Variants in PIK3AP1 observed in about 807,000 individuals in gnomAD.
The protein encoded by PIK3AP1 is phosphoinositide 3-kinase adapter protein 1.
PIK3AP1 carries 21 observed loss-of-function variants against 88.1 expected under a neutral mutation model. The ratio of observed to expected loss-of-function variants is 0.24; its 90% CI spans 0.17 to 0.34. PIK3AP1 has a LOEUF of 0.34. Ranked by LOEUF, PIK3AP1 falls within the 10% of genes least tolerant of loss-of-function variation. PIK3AP1 has a pLI of 1.00. For synonymous variants in PIK3AP1, 398 were observed against 400.0 expected (o/e 1.00, Z 0.06); for missense variants, 828 against 1,035.7 (o/e 0.80, Z 2.75).
At chr10:96,643,997 G>A (rs920198070) in intron 8 of PIK3AP1, among the ~76,000 whole-genome samples, 5 of 152,242 alleles carry the variant, frequency 3.3e-5, no homozygotes, top group African/African-American at 1.2e-4. Context: ...GGTAGCGAAT[G>A]ATGGTAACAC....
At chr10:96,642,407 T>C (rs190334327) in intron 8 of PIK3AP1, among the ~76,000 whole-genome samples, 9 of 97,412 alleles carry the variant, frequency 9.2e-5, no homozygotes, top group African/African-American at 2.9e-4. Flanking sequence ...GCCTGAGCAA[T>C]AGAGCCAGAT....
At chr10:96,645,217 G>A (rs975695096) in intron 8 of PIK3AP1, among the ~76,000 whole-genome samples, 1 of 152,164 alleles carries the variant, frequency 6.6e-6, no homozygotes, top group Non-Finnish European at 1.5e-5. Context: ...CTCAGATCAC[G>A]AGGCAATGAG....
At chr10:96,685,970 G>A (rs186209056) in intron 2 of PIK3AP1, among the ~76,000 whole-genome samples, 3 of 152,228 alleles carry the variant, frequency 2.0e-5, no homozygotes, top group East Asian at 1.9e-4. Flanking sequence ...CCTCTGCCAC[G>A]TCCCATATAG....
intron 2 of PIK3AP1, among the ~76,000 whole-genome samples, chr10:96,695,224 AG>A (rs1844204847): frequency 2.0e-5 from 3 of 152,212 alleles, no homozygotes; most frequent in Non-Finnish European, 2.9e-5. Flanking sequence ...ACAAGTTAAC[AG>A]GTTGGTTCTG....
intron 8 of PIK3AP1, among the ~76,000 whole-genome samples, chr10:96,628,889 C>CATATACATATAT (rs1554955371): frequency 0.02 from 1,193 of 60,684 alleles, 136 homozygotes; most frequent in Middle Eastern, 0.037. Context: ...TATATATATA[C>CATATACATATAT]ATATATATAT....
intron 2 of PIK3AP1, among the ~76,000 whole-genome samples, chr10:96,658,083 A>G (rs1843639890): frequency 6.8e-6 from 1 of 147,040 alleles, no homozygotes; most frequent in African/African-American, 2.5e-5. Flanking sequence ...AAAAAAAAAT[A>G]GAATGGTTGA....
At chr10:96,606,933 T>TA (rs1337367824) in intron 14 of PIK3AP1, among the ~76,000 whole-genome samples, 1 of 152,204 alleles carries the variant, frequency 6.6e-6, no homozygotes, top group Non-Finnish European at 1.5e-5. Context: ...GCGTCTGTTT[T>TA]AAAAAAGAAA....
At chr10:96,656,774 T>A (rs1178769543) in intron 3 of PIK3AP1, 24 bp downstream of exon 3, 55 of 1,611,570 alleles carry the variant, frequency 3.4e-5, no homozygotes, top group Non-Finnish European at 4.3e-5. Context: ...GACATCCAGC[T>A]ACCAGGCCCC....
At chr10:96,705,165 C>A (rs917249763) in intron 2 of PIK3AP1, among the ~76,000 whole-genome samples, 5 of 152,120 alleles carry the variant, frequency 3.3e-5, no homozygotes, top group Non-Finnish European at 7.4e-5. Context: ...CTATTTACTG[C>A]TGGGGTCTGA....
chr10:96,645,591 G>A lies in PIK3AP1; in HGVS notation c.1257C>T (p.Tyr419=), dbSNP rs776232557. Residue 419 remains tyrosine (Y), a synonymous_variant, in exon 8 of 17, where the codon TAC becomes TAT. Coordinates refer to ENST00000339364, the MANE Select transcript of PIK3AP1 (RefSeq NM_152309.3). ...CTGTGGAAAGGTGGGCCATGGACTCGTACACAGCATCAGCCTCCTCCCCGT... is the reference window on the plus strand; with the variant it reads ...CTGTGGAAAGGTGGGCCATGGACTCATACACAGCATCAGCCTCCTCCCCGT... ...LMHGEEADAV[Y]ESMAHLSTDL... is the part of the protein sequence containing the mutation. 30 of 1,613,548 alleles carry A rather than the reference G, an allele frequency of 1.9e-5. No individual in the cohort carries two copies. Among genetic ancestry groups the A allele is most frequent in the East Asian group, 2.2e-5 (1 of 44,810 alleles).
At chr10:96,617,610 G>C (rs1239225865) in intron 12 of PIK3AP1, among the ~76,000 whole-genome samples, 1 of 152,232 alleles carries the variant, frequency 6.6e-6, no homozygotes, top group Non-Finnish European at 1.5e-5. Context: ...GAGTATGCCA[G>C]ATGCAGGCAA....
At chr10:96,676,308 C>CT (rs147680543) in intron 2 of PIK3AP1, among the ~76,000 whole-genome samples, 9,802 of 126,604 alleles carry the variant, frequency 0.077, 872 homozygotes, top group African/African-American at 0.22. Flanking sequence ...TGTGACCTTG[C>CT]TTTTTTTTTT....
chr10:96,714,174 C>CA (rs879458977), intron 1 of PIK3AP1, among the ~76,000 whole-genome samples: 74 of 132,274 alleles, frequency 5.6e-4, no homozygotes, highest in South Asian at 2.2e-3. Context: ...AACTCCGTCT[C>CA]AAAAAAAAAA....
chr10:96,654,264 G>A (rs940984310), intron 3 of PIK3AP1, among the ~76,000 whole-genome samples: 3 of 152,182 alleles, frequency 2.0e-5, no homozygotes, highest in African/African-American at 7.2e-5. Flanking sequence ...GGTTACGTGG[G>A]GGGAATGAGC....
intron 2 of PIK3AP1, among the ~76,000 whole-genome samples, chr10:96,679,010 G>A (rs1208588005): frequency 6.6e-6 from 1 of 152,214 alleles, no homozygotes; most frequent in East Asian, 1.9e-4. Flanking sequence ...TTATCACACT[G>A]AGGATGATGC....
At chr10:96,626,205 A>C (rs968905400) in intron 10 of PIK3AP1, among the ~76,000 whole-genome samples, 7 of 152,246 alleles carry the variant, frequency 4.6e-5, no homozygotes, top group African/African-American at 1.7e-4. Flanking sequence ...ACAGCCTAGC[A>C]TAATGGCTAA....
At chr10:96,675,814 A>G (rs1843910597) in intron 2 of PIK3AP1, among the ~76,000 whole-genome samples, 1 of 152,212 alleles carries the variant, frequency 6.6e-6, no homozygotes, top group African/African-American at 2.4e-5. Context: ...ATTAATAACA[A>G]TAATAATAAT....
rs1363813166 is a variant in PIK3AP1, at chr10:96,626,787, G to A, written c.1590C>T (p.Pro530=). 1 of 1,614,222 alleles carries A rather than the reference G, an allele frequency of 6.2e-7. No homozygotes were observed. ...EAFSVDLASR[P]PVPVPRPETT... ...TCTCTGGTCTGGGCACTGGGACAGGGGGCCTGCTGGCCAGGTCCACAGAAA... is the reference window on the plus strand; with the variant it reads ...TCTCTGGTCTGGGCACTGGGACAGGAGGCCTGCTGGCCAGGTCCACAGAAA... Residue 530 remains proline, a synonymous_variant, in exon 10 of 17, where the codon CCC becomes CCT. Transcript: ENST00000339364.
chr10:96,602,215 C>T, intron 16 of PIK3AP1, 65 bp downstream of exon 16: 2 of 1,324,270 alleles, frequency 1.5e-6, no homozygotes, highest in Non-Finnish European at 1.1e-6. Context: ...TTAGGTGTTT[C>T]CAAGTCCTAT....
Sources: allele counts gnomAD v4.1 joint callset (sites outside exome capture counted in the v4.1 genomes callset), GRCh38; gene constraint gnomAD v4.1.1; transcripts MANE v1.5; gene names NCBI Gene and HGNC (gene_info 2026-07-23, HGNC 2026-07-21).